Variants in INPP5B observed in about 807,000 individuals in gnomAD.
INPP5B encodes inositol polyphosphate-5-phosphatase B.
A neutral mutation model predicts 118.5 loss-of-function variants in INPP5B; 90 were observed. The observed-to-expected ratio is 0.76, with a 90% CI of 0.64 to 0.90. INPP5B has a LOEUF of 0.90. INPP5B is among the 40% of genes least tolerant of loss of function. INPP5B has a pLI of 0.00. For synonymous variants in INPP5B, 385 were observed against 418.9 expected (o/e 0.92, Z 0.99); for missense variants, 984 against 1,125.6 (o/e 0.87, Z 1.80).
Position 37,889,640 on chromosome 1 carries a change from C to A in INPP5B, c.714G>T (p.Met238Ile), listed in dbSNP as rs757103552. 5.6e-6 allele frequency: 9 copies of A among 1,613,508 alleles called. No homozygotes were observed. In the Admixed American group the frequency reaches 1.3e-4, roughly 24 times the overall value. Residue 238 changes from methionine (M) to isoleucine (I), a missense_variant, in exon 9 of 24, where the codon ATG becomes ATT. Around this residue, in one of 2 missense-constraint regions of INPP5B, gnomAD observed 350 missense variants for 334.6 expected, o/e 1.05. Transcript: ENST00000373024. ...TTGTATCTCGCAGTCCAAACTTCTG[C>A]ATGGATAAAATATGAGCCTTGTCCG... is the stretch of plus-strand genomic sequence containing the variant. ...TVSDKAHILS[M>I]QKFGLRDTIV...
In INPP5B at chr1:37,905,608, C is replaced by T. The variant is rs1644477510; in HGVS notation, c.533-14154G>A. Among the ~76,000 whole-genome samples the T allele has an allele frequency of 1.3e-5, 2 of 152,170 alleles. 1 individual carries two copies. Among genetic ancestry groups the T allele is most frequent in the South Asian group, 4.1e-4 (2 of 4,822 alleles). On this transcript the variant is annotated intron_variant, in intron 7 of 23. Coordinates refer to ENST00000373024, the MANE Select transcript of INPP5B (RefSeq NM_005540.3). ...CTGCCTTAAAACATTTTGTCATCCACAGACAACTGTTGTCTTGTTTTAATC... is the reference window on the plus strand; with the variant it reads ...CTGCCTTAAAACATTTTGTCATCCATAGACAACTGTTGTCTTGTTTTAATC...
intron 3 of INPP5B, among the ~76,000 whole-genome samples, chr1:37,944,209 C>A (rs1410284487): frequency 6.6e-6 from 1 of 152,078 alleles, no homozygotes; most frequent in Non-Finnish European, 1.5e-5. Flanking sequence ...CCTTAGCTAC[C>A]CACTTCTCTC....
At chr1:37,910,521 G>A (rs1013270646) in intron 7 of INPP5B, among the ~76,000 whole-genome samples, 2 of 150,550 alleles carry the variant, frequency 1.3e-5, no homozygotes, top group Non-Finnish European at 3.0e-5. Context: ...TCCTCTCCTT[G>A]TATCTCCCCA....
intron 17 of INPP5B, 77 bp downstream of exon 17, chr1:37,875,529 A>G (rs1043884086): frequency 4.5e-6 from 5 of 1,119,112 alleles, no homozygotes; most frequent in Non-Finnish European, 1.3e-6. Flanking sequence ...TGGCCTCCCA[A>G]AGTGCTGGGA....
In INPP5B at chr1:37,901,963, G is replaced by T. The variant is rs192122294; in HGVS notation, c.533-10509C>A. Among the ~76,000 whole-genome samples, 12 of 150,500 alleles carry T rather than the reference G, an allele frequency of 8.0e-5. No individual in the cohort carries two copies. In the South Asian group the frequency reaches 2.5e-3, roughly 32 times the overall value. The stretch of plus-strand genomic sequence containing the variant: ...ATTTTTCCTTTTTTCCCCATGTTCG[G>T]TCACCAAGTCTTATGAATCCTCTAT... On this transcript the variant is annotated intron_variant, in intron 7 of 23. Transcript: ENST00000373024.
chr1:37,939,010 A>G (rs776813135), intron 6 of INPP5B, among the ~76,000 whole-genome samples: 4 of 152,084 alleles, frequency 2.6e-5, no homozygotes, highest in Non-Finnish European at 5.9e-5. Flanking sequence ...CCTGGCCAAC[A>G]TGATGAAACC....
chr1:37,935,156 G>A (rs1423718832), intron 6 of INPP5B, among the ~76,000 whole-genome samples: 2 of 139,220 alleles, frequency 1.4e-5, no homozygotes, highest in African/African-American at 5.3e-5. Flanking sequence ...AGCCGAGATC[G>A]TGCCACTGCA....
At chr1:37,908,514 G>T (rs1644576028) in intron 7 of INPP5B, among the ~76,000 whole-genome samples, 1 of 151,494 alleles carries the variant, frequency 6.6e-6, no homozygotes, top group African/African-American at 2.4e-5. Flanking sequence ...GAGGCGGGAG[G>T]ATAGCTTGAG....
intron 7 of INPP5B, among the ~76,000 whole-genome samples, chr1:37,911,688 G>C (rs1644704500): frequency 6.6e-6 from 1 of 152,076 alleles, no homozygotes; most frequent in South Asian, 2.1e-4. Context: ...TCCATATCCT[G>C]CACCACCATG....
intron 7 of INPP5B, among the ~76,000 whole-genome samples, chr1:37,897,833 G>A (rs1406204485): frequency 1.3e-5 from 2 of 152,100 alleles, no homozygotes; most frequent in Non-Finnish European, 2.9e-5. Flanking sequence ...CTACTTGGGA[G>A]GCTGGGGAGG....
At chr1:37,932,342 ATCC>A (rs1411574733) in intron 6 of INPP5B, among the ~76,000 whole-genome samples, 4 of 146,898 alleles carry the variant, frequency 2.7e-5, no homozygotes, top group Admixed American at 2.7e-4. Flanking sequence ...GGAAACTATT[ATCC>A]CAATTTTCTT....
intron 6 of INPP5B, among the ~76,000 whole-genome samples, chr1:37,937,165 G>A (rs1357528798): frequency 6.6e-6 from 1 of 151,782 alleles, no homozygotes. Flanking sequence ...ACAAAAATTA[G>A]CCAGGCATGG....
intron 7 of INPP5B, among the ~76,000 whole-genome samples, chr1:37,905,123 A>G (rs566733457): frequency 2.0e-5 from 3 of 152,308 alleles, no homozygotes; most frequent in African/African-American, 4.8e-5. Context: ...TATTGAGGCC[A>G]GGCGTGGTGG....
chr1:37,913,967 C>G (rs182659683), intron 7 of INPP5B, among the ~76,000 whole-genome samples: 86 of 152,222 alleles, frequency 5.6e-4, no homozygotes, highest in African/African-American at 1.3e-3. Context: ...TCTACCCCCC[C>G]ACTTAAGAAG....
At chr1:37,896,908 G>A (rs1242980117) in intron 7 of INPP5B, among the ~76,000 whole-genome samples, 3 of 119,436 alleles carry the variant, frequency 2.5e-5, no homozygotes, top group African/African-American at 9.5e-5. Flanking sequence ...AGTGAGGGGC[G>A]CTCTGCCCAG....
At position 37,862,306 on chromosome 1, in the gene INPP5B, G is replaced by A. The variant is rs1641744714; in HGVS notation, c.*9C>T. 1 of 1,571,326 alleles carries A rather than the reference G, an allele frequency of 6.4e-7. No homozygotes were observed. The highest frequency in any genetic ancestry group is 1.4e-5 in the African/African-American group (1 of 74,030). On this transcript the variant is annotated 3_prime_UTR_variant, in exon 24 of 24. Transcript: ENST00000373024. The stretch of plus-strand genomic sequence containing the variant: ...GGCAGCCTCAAGTAAAATAGGAGGA[G>A]AGAGAGGCTCAGAGTGGGTTGCAGA...
At chr1:37,866,588 A>G (rs1351535918) in intron 20 of INPP5B, 45 bp from the exon 21 acceptor site, 1 of 1,182,248 alleles carries the variant, frequency 8.5e-7, no homozygotes, top group Non-Finnish European at 1.3e-6. Flanking sequence ...TTCTCAGAAA[A>G]TCATCAATGA....
chr1:37,922,915 G>T (rs1645106382), intron 7 of INPP5B, among the ~76,000 whole-genome samples: 1 of 152,174 alleles, frequency 6.6e-6, no homozygotes, highest in African/African-American at 2.4e-5. Flanking sequence ...GTGGTGATAG[G>T]CCCCTGGAGA....
At chr1:37,896,003 C>G (rs1396447802) in intron 7 of INPP5B, among the ~76,000 whole-genome samples, 2 of 151,452 alleles carry the variant, frequency 1.3e-5, no homozygotes, top group Non-Finnish European at 2.9e-5. Flanking sequence ...GCCCCTCTGC[C>G]TGGCTGCCCA....
Sources: gnomAD v4.1 joint callset for allele counts (sites outside exome capture counted in the v4.1 genomes callset) on GRCh38, gnomAD v4.1.1 for gene constraint, gnomAD v4.1.1 regional missense constraint, MANE v1.5 for transcripts, NCBI Gene and HGNC (gene_info 2026-07-23, HGNC 2026-07-21) for gene names.